PCDHGA8: variants seen among roughly 807,000 people sequenced by gnomAD.
The protein encoded by PCDHGA8 is protocadherin gamma-A8.
In PCDHGA8, 45 loss-of-function variants were observed where a neutral mutation model predicts 59.2. The ratio of observed to expected loss-of-function variants is 0.76; its 90% confidence interval spans 0.60 to 0.98. The LOEUF (loss-of-function observed/expected upper bound fraction) is 0.98, where lower values mean the gene tolerates loss of function less well. Ranked by LOEUF, PCDHGA8 falls within the 50% of genes least tolerant of loss-of-function variation. PCDHGA8 has a pLI of 0.00. For synonymous variants in PCDHGA8, 531 were observed against 519.0 expected, an observed-to-expected ratio of 1.02 and a Z score of -0.32; for missense variants, 1,257 against 1,196.2, an observed-to-expected ratio of 1.05 and a Z score of -0.75.
intron 1 of PCDHGA8, among the ~76,000 whole-genome samples, chr5:141,443,858 T>C (rs1325927807): frequency 6.6e-6 from 1 of 152,162 alleles, no homozygotes; most frequent in Non-Finnish European, 1.5e-5. Context: ...GTCTGAAAAC[T>C]GAAAAAATTA....
intron 1 of PCDHGA8, among the ~76,000 whole-genome samples, chr5:141,455,253 C>T (rs187877877): frequency 6.6e-6 from 1 of 151,986 alleles, no homozygotes; most frequent in East Asian, 1.9e-4. Flanking sequence ...ATAGTACAAT[C>T]GCATTTCTTC....
intron 1 of PCDHGA8, chr5:141,413,494 G>C: frequency 6.2e-7 from 1 of 1,614,042 alleles, no homozygotes; most frequent in Non-Finnish European, 8.5e-7. Flanking sequence ...CGCGCGGTGC[G>C]TGGTGAGTTT....
At position 141,392,987 on chromosome 5, in the gene PCDHGA8, G is replaced by T; in HGVS notation, c.174G>T (p.Lys58Asn). Residue 58 changes from lysine (K) to asparagine (N), a missense_variant, in exon 1 of 4, where the codon AAG becomes AAT. By Grantham distance (94) the Lys-to-Asn change is moderately conservative (BLOSUM62 0). Coordinates refer to ENST00000398604, the MANE Select transcript of PCDHGA8 (RefSeq NM_032088.2). Reference protein sequence around the residue: ...ISKDLGLDPRKLAKHGVRIVS... With the variant: ...ISKDLGLDPRNLAKHGVRIVS... ...AGGACCTGGGGCTGGACCCCCGGAA[G>T]CTGGCGAAGCACGGAGTCCGTATCG... The T allele has an allele frequency of 6.2e-7, 1 of 1,613,930 alleles. No homozygotes were observed.
At chr5:141,396,060 G>A (rs1309175410) in intron 1 of PCDHGA8, 1 of 152,318 alleles carries the variant, frequency 6.6e-6, no homozygotes, top group East Asian at 1.9e-4. Flanking sequence ...CCAATTAGCT[G>A]TTTCGGTTGT....
At chr5:141,428,020 C>T (rs1443722620) in intron 1 of PCDHGA8, 1 of 1,605,408 alleles carries the variant, frequency 6.2e-7, no homozygotes, top group Admixed American at 1.7e-5. Context: ...GTGCCACGCG[C>T]CGCAGAGTCC....
chr5:141,425,490 G>T (rs2096878933), intron 1 of PCDHGA8, among the ~76,000 whole-genome samples: 1 of 152,122 alleles, frequency 6.6e-6, no homozygotes, highest in Non-Finnish European at 1.5e-5. Context: ...AACCTACTAG[G>T]CTATACCTTT....
rs1025148587 is a variant in PCDHGA8 at position 141,431,434 on chromosome 5, C to A, written c.2424+36197C>A. ...GGGGCGACCCGGTGCGCACAGGCAC[C>A]GCGCGCATCCGCGTGATGGTTCTGG... On this transcript the variant is annotated intron_variant, in intron 1 of 3. Transcript: ENST00000398604. This position sits in a 1 kb window ranked among gnomAD's most constrained non-coding sequence, Gnocchi z 4.8. 1.2e-6 allele frequency: 2 copies of A among 1,613,690 alleles called. No homozygotes were observed. Among genetic ancestry groups the A allele is most frequent in the Admixed American group, 1.7e-5 (1 of 60,014 alleles).
intron 1 of PCDHGA8, among the ~76,000 whole-genome samples, chr5:141,443,323 A>AG (rs1262238603): frequency 1.3e-5 from 2 of 151,732 alleles, no homozygotes; most frequent in African/African-American, 4.9e-5. Context: ...TCTACAAAAA[A>AG]AAAAAACAAA....
chr5:141,465,490 G>A (rs917234604), intron 1 of PCDHGA8, among the ~76,000 whole-genome samples: 9 of 152,170 alleles, frequency 5.9e-5, no homozygotes, highest in East Asian at 1.9e-4. Flanking sequence ...AGGAATGAGC[G>A]GGAGCATTGT....
At chr5:141,470,124 G>A (rs1038487398) in intron 1 of PCDHGA8, among the ~76,000 whole-genome samples, 4 of 151,358 alleles carry the variant, frequency 2.6e-5, no homozygotes, top group African/African-American at 9.7e-5. Flanking sequence ...GCAAGACTTC[G>A]TCTCAAAAAA....
chr5:141,476,357 C>T lies in PCDHGA8; in HGVS notation c.2425-18450C>T. On this transcript the variant is annotated intron_variant, in intron 1 of 3. Transcript: ENST00000398604. The surrounding 1 kb of genome is among the most constrained non-coding windows in gnomAD (Gnocchi z 7.6). ...TAGCCGAAGATTCTTTGAGGTGAAC[C>T]GGGAGACCGGAGAGATGTTTGTGAA... The T allele has an allele frequency of 6.2e-7, 1 of 1,614,052 alleles. No individual in the cohort carries two copies. The highest frequency in any genetic ancestry group is 2.2e-5 in the East Asian group (1 of 44,854).
At chr5:141,445,313 T>C (rs1186654847) in intron 1 of PCDHGA8, among the ~76,000 whole-genome samples, 8 of 152,328 alleles carry the variant, frequency 5.3e-5, no homozygotes, top group Non-Finnish European at 4.4e-5. Flanking sequence ...GTTTGTAGGT[T>C]GAGAGAACCC....
At chr5:141,411,881 G>T (rs1299555823) in intron 1 of PCDHGA8, 2 of 152,114 alleles carry the variant, frequency 1.3e-5, no homozygotes, top group Middle Eastern at 3.2e-3. Flanking sequence ...ACATTTCTAA[G>T]AAATAAATGA....
intron 1 of PCDHGA8, chr5:141,441,621 G>T: frequency 4.5e-6 from 1 of 223,408 alleles, no homozygotes; most frequent in South Asian, 5.2e-5. Context: ...CGTGGCCAGT[G>T]ACCTGGAGCC....
intron 1 of PCDHGA8, among the ~76,000 whole-genome samples, chr5:141,462,069 C>T (rs555164288): frequency 4.3e-4 from 65 of 151,850 alleles, no homozygotes; most frequent in Non-Finnish European, 7.5e-4. Context: ...GTGATCTGCC[C>T]GCCTTGGCCT....
At chr5:141,462,523 G>GTGTT (rs2099041548) in intron 1 of PCDHGA8, among the ~76,000 whole-genome samples, 1 of 152,024 alleles carries the variant, frequency 6.6e-6, no homozygotes, top group African/African-American at 2.4e-5. Context: ...GTTAGTAAGA[G>GTGTT]TGTTGTTCAG....
At chr5:141,474,252 A>T (rs1381172188) in intron 1 of PCDHGA8, among the ~76,000 whole-genome samples, 1 of 152,200 alleles carries the variant, frequency 6.6e-6, no homozygotes, top group Non-Finnish European at 1.5e-5. Flanking sequence ...GGAAAAAAAG[A>T]CTGATAAACC....
At chr5:141,418,693 T>C (rs989725231) in intron 1 of PCDHGA8, 1 of 1,613,922 alleles carries the variant, frequency 6.2e-7, no homozygotes, top group South Asian at 1.1e-5. Context: ...CAGAGATCAC[T>C]TATTCCTTCT....
rs1439211567 is a variant in PCDHGA8, at chr5:141,394,618, C to T, written c.1805C>T (p.Ala602Val). Residue 602 changes from alanine to valine, a missense_variant, in exon 1 of 4, where the codon GCC becomes GTC. Ala to Val is a moderately conservative substitution (Grantham distance 64). Coordinates refer to ENST00000398604, the MANE Select transcript of PCDHGA8 (RefSeq NM_032088.2). Reference sequence around the variant, plus strand: ...GTGGACAGAGACTCGGGCCAGAACGCCTGGCTGTCCTACCGCCTGCTCAAG... The same window carrying T: ...GTGGACAGAGACTCGGGCCAGAACGTCTGGCTGTCCTACCGCCTGCTCAAG... The part of the protein sequence containing the change: ...VAVDRDSGQN[A>V]WLSYRLLKAS... The T allele has an allele frequency of 1.2e-6, 2 of 1,613,396 alleles. No individual in the cohort carries two copies. The highest frequency in any genetic ancestry group is 1.3e-5 in the African/African-American group (1 of 74,912).
Sources: allele counts gnomAD v4.1 joint callset (sites outside exome capture counted in the v4.1 genomes callset), GRCh38; gene constraint gnomAD v4.1.1; non-coding constraint Gnocchi (gnomAD v3.1); transcripts MANE v1.5; gene names NCBI Gene and HGNC (gene_info 2026-07-23, HGNC 2026-07-21).